LIPI: variants seen among roughly 807,000 people sequenced by gnomAD.
LIPI encodes the protein lipase member I.
In LIPI, 59 loss-of-function variants were observed where a neutral mutation model predicts 50.6. The observed-to-expected ratio is 1.16, with a 90% confidence interval of 0.94 to 1.45. LIPI has a LOEUF of 1.45. Among genes scored for constraint, LIPI ranks in the 40% most tolerant of loss-of-function variants. The pLI is 0.00. For missense variants in LIPI, 586 were observed against 536.3 expected (o/e 1.09, Z -0.92); for synonymous variants, 203 against 178.2 (o/e 1.14, Z -1.11).
chr21:14,151,167 A>G (rs1197362719), intron 8 of LIPI, among the ~76,000 whole-genome samples: 3 of 152,082 alleles, frequency 2.0e-5, no homozygotes, highest in African/African-American at 7.2e-5. Flanking sequence ...GTGGATTCCA[A>G]TGTTTGAAAG....
chr21:14,172,966 A>G (rs1047997895), intron 4 of LIPI, among the ~76,000 whole-genome samples: 2 of 152,228 alleles, frequency 1.3e-5, no homozygotes, highest in Non-Finnish European at 2.9e-5. Flanking sequence ...AAGTAAATAC[A>G]GAGTATGTGA....
chr21:14,168,319 A>G lies in LIPI; in HGVS notation c.644-1868T>C, dbSNP rs969751978. ...GATATTATCCAGGAGGACTTCCCCA[A>G]TCTAGCGAGGAAGGCCAACATTCAG... On this transcript the variant is annotated intron_variant, in intron 4 of 9. Coordinates refer to ENST00000681601, the MANE Select transcript of LIPI (RefSeq NM_001302998.2). 6.6e-5 allele frequency among the ~76,000 whole-genome samples: 10 copies of G among 152,322 alleles called. No individual in the cohort carries two copies. In the South Asian group the frequency reaches 1.2e-3, roughly 19 times the overall value.
At chr21:14,209,005 C>A (rs1217761198) in intron 1 of LIPI, among the ~76,000 whole-genome samples, 1 of 152,136 alleles carries the variant, frequency 6.6e-6, no homozygotes, top group African/African-American at 2.4e-5. Context: ...GAGCCATGAA[C>A]TTCACACTGT....
Position 14,189,320 on chromosome 21 carries a change from G to A in LIPI, c.146C>T (p.Thr49Ile), listed in dbSNP as rs1344079929. The A allele has an allele frequency of 1.2e-6, 2 of 1,613,218 alleles. No individual in the cohort carries two copies. The highest frequency in any genetic ancestry group is 4.5e-5 in the East Asian group (2 of 44,854). The part of the protein sequence containing the change: ...PRIETILMMY[T>I]RNNLNCAEPL... ...CTCAGCACAGTTTAGGTTGTTCCTT[G>A]TATACATCATCAGAATGGTCTCTAT... The change falls in exon 2 of 10, where the codon ACA becomes ATA. Residue 49 changes from threonine to isoleucine, a missense_variant. Physicochemically the swap from Thr to Ile is moderately conservative, Grantham distance 89. Transcript: ENST00000681601.
At chr21:14,181,585 C>T (rs1455800803) in intron 4 of LIPI, among the ~76,000 whole-genome samples, 173 bp downstream of exon 4, 4 of 152,120 alleles carry the variant, frequency 2.6e-5, no homozygotes, top group African/African-American at 9.7e-5. Flanking sequence ...TTTGACAATG[C>T]AGGAAATCAC....
Position 14,108,946 on chromosome 21 carries a change from C to T in LIPI, c.*47G>A. On this transcript the variant is annotated 3_prime_UTR_variant, in exon 10 of 10. Transcript: ENST00000681601. ...AAGACTGATTGCATTGTTTCATTTACAAGTCCATTAATTCACAAGCAAGTG... is the reference window on the plus strand; with the variant it reads ...AAGACTGATTGCATTGTTTCATTTATAAGTCCATTAATTCACAAGCAAGTG... 6.2e-7 allele frequency: 1 copy of T among 1,606,798 alleles called. No homozygotes were observed.
Position 14,210,899 on chromosome 21 carries a change from G to T in LIPI, c.-54C>A. ...CTCAATTCACCAAAAAGGAAATTCC[G>T]TAACTCATTGAGGTTTCTCTTTGGT... On this transcript the variant is annotated 5_prime_UTR_variant, in exon 1 of 10. An upstream open reading frame in the 5' UTR gains an earlier in-frame stop. Coordinates refer to ENST00000681601, the MANE Select transcript of LIPI (RefSeq NM_001302998.2). The T allele has an allele frequency of 5.1e-6, 6 of 1,167,348 alleles. No individual in the cohort carries two copies. Among genetic ancestry groups the T allele is most frequent in the Non-Finnish European group, 6.4e-6 (6 of 933,854 alleles). 72.3% of individuals were successfully genotyped at this position (1,167,348 alleles called of 1,614,324 possible). A position where few individuals can be genotyped will look rare whatever the true frequency, so the allele number is the denominator to read the frequency against.
At chr21:14,116,690 G>T (rs2016655564) in intron 9 of LIPI, among the ~76,000 whole-genome samples, 1 of 152,124 alleles carries the variant, frequency 6.6e-6, no homozygotes, top group African/African-American at 2.4e-5. Flanking sequence ...TCAGACAACA[G>T]CCTGGGTACC....
intron 9 of LIPI, among the ~76,000 whole-genome samples, chr21:14,110,134 T>G (rs1462460361): frequency 6.6e-6 from 1 of 151,742 alleles, no homozygotes; most frequent in Admixed American, 6.6e-5. Context: ...AAAAAAGAAA[T>G]ATAGTAATAA....
Position 14,134,579 on chromosome 21 carries a change from G to A in LIPI, c.1295+10044C>T, listed in dbSNP as rs138687612. Among the ~76,000 whole-genome samples the A allele has an allele frequency of 6.6e-3, 1,009 of 152,114 alleles. 5 individuals are homozygous for A. The highest frequency in any genetic ancestry group is 0.018 in the South Asian group (88 of 4,812). Reference sequence around the variant, plus strand: ...AGAGTAGCCAAAACAGCATGGTACTGGTATAAAAATAGACACACAGATCAA... The same window carrying A: ...AGAGTAGCCAAAACAGCATGGTACTAGTATAAAAATAGACACACAGATCAA... On this transcript the variant is annotated intron_variant, in intron 9 of 9. Coordinates refer to ENST00000681601, the MANE Select transcript of LIPI (RefSeq NM_001302998.2).
chr21:14,193,476 A>T (rs2019745149), intron 1 of LIPI, among the ~76,000 whole-genome samples: 1 of 152,126 alleles, frequency 6.6e-6, no homozygotes, highest in Non-Finnish European at 1.5e-5. Context: ...AAAAATCAGG[A>T]CCAGACTATA....
At chr21:14,166,682 T>C (rs991341965) in intron 4 of LIPI, among the ~76,000 whole-genome samples, 1 of 152,202 alleles carries the variant, frequency 6.6e-6, no homozygotes. Flanking sequence ...TCAGTCACAG[T>C]TTTTTGTGGT....
chr21:14,141,335 G>T (rs2017699225), intron 9 of LIPI, among the ~76,000 whole-genome samples: 1 of 149,680 alleles, frequency 6.7e-6, no homozygotes, highest in Non-Finnish European at 1.5e-5. Flanking sequence ...CTACATTATT[G>T]GTCAAATCTA....
rs566780615 is a variant in LIPI at position 14,160,433 on chromosome 21, G to A, written c.1006+2986C>T. Among the ~76,000 whole-genome samples, 9 of 151,150 alleles carry A rather than the reference G, an allele frequency of 6.0e-5. No individual in the cohort carries two copies. In the South Asian group the frequency reaches 1.7e-3, roughly 28 times the overall value. ...ATTTTAACCAATTGTTGATAAAGATGCAAAAGCACTTAATAAAAGAGAATC... is the reference window on the plus strand; with the variant it reads ...ATTTTAACCAATTGTTGATAAAGATACAAAAGCACTTAATAAAAGAGAATC... On this transcript the variant is annotated intron_variant, in intron 7 of 9. Coordinates refer to ENST00000681601, the MANE Select transcript of LIPI (RefSeq NM_001302998.2).
Position 14,147,361 on chromosome 21 carries a change from C to T in LIPI, c.1119-2562G>A, listed in dbSNP as rs190436373. ...CTTATATAATTTTATAATTATTTGA[C>T]TATCCTTATATGTCTCATTATGCTA... On this transcript the variant is annotated intron_variant, in intron 8 of 9. Transcript: ENST00000681601. Among the ~76,000 whole-genome samples, 15 of 152,220 alleles carry T rather than the reference C, an allele frequency of 9.9e-5. No individual in the cohort carries two copies. The East Asian group carries it at 2.7e-3, about 27-fold the overall frequency.
chr21:14,158,881 C>G (rs1326386039), intron 7 of LIPI, among the ~76,000 whole-genome samples: 1 of 150,806 alleles, frequency 6.6e-6, no homozygotes, highest in Non-Finnish European at 1.5e-5. Flanking sequence ...CAATTCAACA[C>G]CTTAAAAAAA....
intron 9 of LIPI, among the ~76,000 whole-genome samples, chr21:14,112,428 T>C (rs2016452235): frequency 6.6e-6 from 1 of 152,092 alleles, no homozygotes; most frequent in South Asian, 2.1e-4. Flanking sequence ...CCTTTGGTTG[T>C]TATGGACATT....
chr21:14,175,566 CATTTGGGTTAGAA>C (rs1362367567), intron 4 of LIPI, among the ~76,000 whole-genome samples: 1 of 151,918 alleles, frequency 6.6e-6, no homozygotes, highest in Non-Finnish European at 1.5e-5. Flanking sequence ...TTAATCTTTT[CATTTGGGTTAGAA>C]ATTTTTGTGT....
chr21:14,160,096 C>T (rs947364641), intron 7 of LIPI, among the ~76,000 whole-genome samples: 1 of 151,278 alleles, frequency 6.6e-6, no homozygotes, highest in African/African-American at 2.4e-5. Flanking sequence ...GTTGAAACCT[C>T]AGACAAATTT....
Sources: allele counts gnomAD v4.1 joint callset (sites outside exome capture counted in the v4.1 genomes callset), GRCh38; gene constraint gnomAD v4.1.1; transcripts MANE v1.5; gene names NCBI Gene and HGNC (gene_info 2026-07-23, HGNC 2026-07-21).